NAIF1: variants seen among roughly 807,000 people sequenced by gnomAD.
NAIF1 encodes the protein nuclear apoptosis-inducing factor 1.
NAIF1 carries 14 observed loss-of-function variants against 20.7 expected under a neutral mutation model. That is an observed-to-expected ratio of 0.67 (90% CI 0.45 to 1.05). The LOEUF (loss-of-function observed/expected upper bound fraction) is 1.05, where lower values mean the gene tolerates loss of function less well. NAIF1 is among the 50% of genes least tolerant of loss of function. The pLI, the probability that NAIF1 is intolerant of heterozygous loss-of-function variation, is 0.00. For synonymous variants in NAIF1, 191 were observed against 191.4 expected (o/e 1.00, Z 0.02); for missense variants, 362 against 448.8 (o/e 0.81, Z 1.75).
At chr9:128,064,358 G>A (rs1832754769) in intron 1 of NAIF1, among the ~76,000 whole-genome samples, 1 of 151,834 alleles carries the variant, frequency 6.6e-6, no homozygotes, top group African/African-American at 2.4e-5. Context: ...TTACAGGCGT[G>A]AGCCACCGCG....
At chr9:128,066,109 A>G (rs904813072) in intron 1 of NAIF1, 1 of 155,324 alleles carries the variant, frequency 6.4e-6, no homozygotes, top group Non-Finnish European at 1.4e-5. Context: ...TGAATGGAGT[A>G]GATTAACACC....
At chr9:128,064,977 G>GAAAGAAAA (rs1832762053) in intron 1 of NAIF1, among the ~76,000 whole-genome samples, 1 of 151,156 alleles carries the variant, frequency 6.6e-6, no homozygotes, top group Non-Finnish European at 1.5e-5. Flanking sequence ...TCTCATAAAA[G>GAAAGAAAA]AAAGAAAGAA....
intron 1 of NAIF1, chr9:128,066,336 G>A: frequency 2.5e-6 from 1 of 399,430 alleles, no homozygotes; most frequent in Non-Finnish European, 4.4e-6. Flanking sequence ...GCAAGTGGAG[G>A]TAAGTCATGG....
chr9:128,066,561 C>T, intron 1 of NAIF1, 30 bp downstream of exon 1: 1 of 1,483,508 alleles, frequency 6.7e-7, no homozygotes, highest in East Asian at 2.3e-5. Context: ...CCCACTTATG[C>T]ACGCCGCCTG....
intron 1 of NAIF1, among the ~76,000 whole-genome samples, chr9:128,064,249 C>T (rs929344790): frequency 1.3e-5 from 2 of 151,602 alleles, no homozygotes; most frequent in African/African-American, 4.8e-5. Flanking sequence ...CCACTGCGCC[C>T]GGCTAATTTT....
rs1832719613 is a variant in NAIF1 at position 128,061,676 on chromosome 9, G to A, written c.*1752C>T. 1 of 152,242 alleles carries A rather than the reference G, an allele frequency of 6.6e-6. No individual in the cohort carries two copies. The highest frequency in any genetic ancestry group is 1.5e-5 in the Non-Finnish European group (1 of 68,074). The allele number at this position is 152,242 out of a possible 1,614,324, so 9.4% of individuals were successfully genotyped here. ...GGAGTTGAGCATTCTAAACGTTCGT[G>A]CCCAGGAGGGCAGCGTCTTCTCTTT... On this transcript the variant is annotated 3_prime_UTR_variant, in exon 2 of 2. Transcript: ENST00000373078.
Position 128,067,232 on chromosome 9 carries a change from G to T in NAIF1, c.-131C>A. On this transcript the variant is annotated 5_prime_UTR_variant, in exon 1 of 2. Coordinates refer to ENST00000373078, the MANE Select transcript of NAIF1 (RefSeq NM_197956.4). ...ATAGGCCAGGCTTGCTCGAGGCCAA[G>T]CACTAGGCCTTTGGTAACCCCCCTC... 2 of 1,167,728 alleles carry T rather than the reference G, an allele frequency of 1.7e-6. No homozygotes were observed. Among genetic ancestry groups the T allele is most frequent in the Non-Finnish European group, 2.4e-6 (2 of 842,400 alleles). 72.3% of individuals were successfully genotyped at this position (1,167,728 alleles called of 1,614,324 possible).
chr9:128,066,539 T>C, intron 1 of NAIF1, 52 bp downstream of exon 1: 1 of 1,472,668 alleles, frequency 6.8e-7, no homozygotes, highest in Non-Finnish European at 9.0e-7. Context: ...ACCCCAGAGC[T>C]TGCTGGCCCT....
At position 128,063,294 on chromosome 9, in the gene NAIF1, G is replaced by T; in HGVS notation, c.*134C>A. ...ACAAATTCCTCTTCTCAAAAACAGT[G>T]CAACCCCTAAGCGTTTATTAAAGAG... On this transcript the variant is annotated 3_prime_UTR_variant, in exon 2 of 2. Coordinates refer to ENST00000373078, the MANE Select transcript of NAIF1 (RefSeq NM_197956.4). This position sits in a 1 kb window ranked among gnomAD's most constrained non-coding sequence, Gnocchi z 4.3. 2.5e-6 allele frequency: 2 copies of T among 787,646 alleles called. No individual in the cohort carries two copies. The highest frequency in any genetic ancestry group is 4.0e-6 in the Non-Finnish European group (2 of 500,580). The allele number at this position is 787,646 out of a possible 1,614,324, so 48.8% of individuals were successfully genotyped here.
At position 128,063,139 on chromosome 9, in the gene NAIF1, T is replaced by G. The variant is rs563737710; in HGVS notation, c.*289A>C. 1 of 441,784 alleles carries G rather than the reference T, an allele frequency of 2.3e-6. No individual in the cohort carries two copies. The highest frequency in any genetic ancestry group is 3.6e-5 in the Admixed American group (1 of 28,094). 27.4% of individuals were successfully genotyped at this position (441,784 alleles called of 1,614,324 possible). A position where few individuals can be genotyped will look rare whatever the true frequency, so the allele number is the denominator to read the frequency against. ...GTTGTCCAAGACCAAGGCTGGGTCA[T>G]GTCACAAGCCCGGGGTCATGACAAC... is the stretch of plus-strand genomic sequence containing the variant. On this transcript the variant is annotated 3_prime_UTR_variant, in exon 2 of 2. Transcript: ENST00000373078. The surrounding 1 kb of genome is among the most constrained non-coding windows in gnomAD (Gnocchi z 4.3).
Position 128,063,750 on chromosome 9 carries a change from C to A in NAIF1, c.662G>T (p.Arg221Leu), listed in dbSNP as rs775755828. 1 of 1,614,146 alleles carries A rather than the reference C, an allele frequency of 6.2e-7. No individual in the cohort carries two copies. Among genetic ancestry groups the A allele is most frequent in the Non-Finnish European group, 8.5e-7 (1 of 1,180,038 alleles). ...CAGCTTGGCGGAGTTGAGAGCAATG[C>A]GGCTCTTGAGCGCTTGCGGCTTGAC... ...TSVKPQALKS[R>L]IALNSAKLIQ... is the part of the protein sequence containing the mutation. The change falls in exon 2 of 2, where the codon CGC becomes CTC. Residue 221 changes from arginine to leucine, a missense_variant. By Grantham distance (102) the Arg-to-Leu change is moderately radical. Coordinates refer to ENST00000373078, the MANE Select transcript of NAIF1 (RefSeq NM_197956.4). This position sits in a 1 kb window ranked among gnomAD's most constrained non-coding sequence, Gnocchi z 4.3.
In NAIF1 at chr9:128,067,320, T is replaced by G. The variant is rs534357632; in HGVS notation, c.-219A>C. ...CGGCCGCTGCCAGCCAGCAGCGTAA[T>G]GGCTTCCTGAATCTGCCTCTTCCGC... On this transcript the variant is annotated 5_prime_UTR_variant, in exon 1 of 2. Coordinates refer to ENST00000373078, the MANE Select transcript of NAIF1 (RefSeq NM_197956.4). 2.1e-6 allele frequency: 1 copy of G among 485,700 alleles called. No homozygotes were observed. The highest frequency in any genetic ancestry group is 3.6e-6 in the Non-Finnish European group (1 of 278,730). 30.1% of individuals were successfully genotyped at this position (485,700 alleles called of 1,614,324 possible).
Position 128,065,195 on chromosome 9 carries a change from C to T in NAIF1, c.512-1295G>A, listed in dbSNP as rs555523023. Among the ~76,000 whole-genome samples, 3 of 150,788 alleles carry T rather than the reference C, an allele frequency of 2.0e-5. No individual in the cohort carries two copies. In the East Asian group the frequency reaches 5.9e-4, roughly 30 times the overall value. Reference sequence around the variant, plus strand: ...TCAGTGGCACGATCTCGGCTCACTGCAACTTCTGCCTCCCAGGTTCAAGTG... The same window carrying T: ...TCAGTGGCACGATCTCGGCTCACTGTAACTTCTGCCTCCCAGGTTCAAGTG... On this transcript the variant is annotated intron_variant, in intron 1 of 1. Transcript: ENST00000373078.
rs368467437 is a variant in NAIF1 at position 128,063,338 on chromosome 9, G to A, written c.*90C>T. The A allele has an allele frequency of 4.7e-5, 57 of 1,206,530 alleles. No homozygotes were observed. Among genetic ancestry groups the A allele is most frequent in the Non-Finnish European group, 6.1e-5 (52 of 855,596 alleles). The allele number at this position is 1,206,530 out of a possible 1,614,324, so 74.7% of individuals were successfully genotyped here. A position where few individuals can be genotyped will look rare whatever the true frequency, so the allele number is the denominator to read the frequency against. ...TAAAGAGGGAGCTGTGCACGTGGCC[G>A]GTCTAAGGCCAAGGCCAATCACAGG... On this transcript the variant is annotated 3_prime_UTR_variant, in exon 2 of 2. Coordinates refer to ENST00000373078, the MANE Select transcript of NAIF1 (RefSeq NM_197956.4). The surrounding 1 kb of genome is among the most constrained non-coding windows in gnomAD (Gnocchi z 4.3).
Position 128,063,941 on chromosome 9 carries a change from C to T in NAIF1, c.512-41G>A, listed in dbSNP as rs763653988. Reference sequence around the variant, plus strand: ...AACAGAGGCCAAGGGAGGTCACTTTCTGGAAGGAATAAAGCTGGCTGTATG... The same window carrying T: ...AACAGAGGCCAAGGGAGGTCACTTTTTGGAAGGAATAAAGCTGGCTGTATG... On this transcript the variant is annotated intron_variant, in intron 1 of 1. Transcript: ENST00000373078. The surrounding 1 kb of genome is among the most constrained non-coding windows in gnomAD (Gnocchi z 4.3). 1 of 1,569,324 alleles carries T rather than the reference C, an allele frequency of 6.4e-7. No homozygotes were observed. The highest frequency in any genetic ancestry group is 8.6e-7 in the Non-Finnish European group (1 of 1,157,278).
chr9:128,063,799 T>C lies in NAIF1; in HGVS notation c.613A>G (p.Met205Val). 1.2e-6 allele frequency: 2 copies of C among 1,613,802 alleles called. No individual in the cohort carries two copies. Among genetic ancestry groups the C allele is most frequent in the Non-Finnish European group, 1.7e-6 (2 of 1,180,036 alleles). ...ACCGACGTGTCTGCATGCTGGGCCA[T>C]CATGTCCACAGGGGTCTCTGGTGGC... ...PLPPETPVDM[M>V]AQHADTSVKP... Residue 205 changes from methionine (M) to valine (V), a missense_variant, in exon 2 of 2, where the codon ATG becomes GTG. By Grantham distance (21) the Met-to-Val change is conservative. Transcript: ENST00000373078. This position sits in a 1 kb window ranked among gnomAD's most constrained non-coding sequence, Gnocchi z 4.3.
Position 128,066,853 on chromosome 9 carries a change from A to T in NAIF1, c.249T>A (p.Val83=), listed in dbSNP as rs1832789147. The T allele has an allele frequency of 6.2e-7, 1 of 1,612,548 alleles. No individual in the cohort carries two copies. The highest frequency in any genetic ancestry group is 1.7e-5 in the Admixed American group (1 of 60,002). ...CCTCCACGGCGGCCCGGACCTGGGC[A>T]ACCTTGCGACGGACCTCGGTCTTGA... ...SDLKTEVRRK[V]AQVRAAVEGG... Residue 83 remains valine, a synonymous_variant, in exon 1 of 2, where the codon GTT becomes GTA. Coordinates refer to ENST00000373078, the MANE Select transcript of NAIF1 (RefSeq NM_197956.4).
chr9:128,066,864 G>A lies in NAIF1; in HGVS notation c.238C>T (p.Arg80Cys). 6.2e-7 allele frequency: 1 copy of A among 1,612,762 alleles called. No individual in the cohort carries two copies. Among genetic ancestry groups the A allele is most frequent in the Non-Finnish European group, 8.5e-7 (1 of 1,179,910 alleles). Residue 80 changes from arginine (R) to cysteine (C), a missense_variant, in exon 1 of 2, where the codon CGT (arginine) becomes TGT (cysteine). Around this residue, in one of 3 missense-constraint regions of NAIF1, gnomAD observed 11 missense variants for 37.4 expected, o/e 0.29. Transcript: ENST00000373078. Reference sequence around the variant, plus strand: ...GCCCGGACCTGGGCAACCTTGCGACGGACCTCGGTCTTGAGGTCAGACCAC... The same window carrying A: ...GCCCGGACCTGGGCAACCTTGCGACAGACCTCGGTCTTGAGGTCAGACCAC... Reference protein sequence around the residue: ...KKWSDLKTEVRRKVAQVRAAV... With the variant: ...KKWSDLKTEVCRKVAQVRAAV...
intron 1 of NAIF1, among the ~76,000 whole-genome samples, chr9:128,065,680 A>G (rs760901590): frequency 2.1e-4 from 30 of 145,828 alleles, no homozygotes; most frequent in Non-Finnish European, 3.3e-4. Context: ...AACTCCCCCA[A>G]CCCCCACTGA....
Sources: allele counts gnomAD v4.1 joint callset (sites outside exome capture counted in the v4.1 genomes callset), GRCh38; gene constraint gnomAD v4.1.1; regional missense constraint gnomAD v4.1.1; non-coding constraint Gnocchi (gnomAD v3.1); transcripts MANE v1.5; gene names NCBI Gene and HGNC (gene_info 2026-07-23, HGNC 2026-07-21).